Variants in SRI observed in about 807,000 individuals in gnomAD.
The protein encoded by SRI is sorcin, also known as 22 kDa protein.
In SRI, 30 loss-of-function variants were observed where a neutral mutation model predicts 33.3. The ratio of observed to expected loss-of-function variants is 0.90; its 90% CI spans 0.67 to 1.22. The LOEUF (loss-of-function observed/expected upper bound fraction) is 1.22, where lower values mean the gene tolerates loss of function less well. Ranked by LOEUF, SRI falls within the 50% of genes most tolerant of loss-of-function variation. The pLI is 0.00. For synonymous variants in SRI, 75 were observed against 89.9 expected (o/e 0.83, Z 0.94); for missense variants, 243 against 250.8 (o/e 0.97, Z 0.21).
At chr7:88,223,421 G>T (rs1346887238), upstream of SRI, among the ~76,000 whole-genome samples, 3 of 152,126 alleles carry the variant, frequency 2.0e-5, no homozygotes, top group Admixed American at 6.5e-5. Context: ...ACACCCAGGG[G>T]CAGGTAAAGG....
At chr7:88,217,514 A>G (rs1471210827) in intron 2 of SRI, among the ~76,000 whole-genome samples, 1 of 152,186 alleles carries the variant, frequency 6.6e-6, no homozygotes, top group African/African-American at 2.4e-5. Context: ...TACAAAGCAG[A>G]CATCAATAAA....
chr7:88,214,954 A>G (rs1439274518), intron 3 of SRI: 1 of 596,404 alleles, frequency 1.7e-6, no homozygotes, highest in African/African-American at 1.9e-5. Flanking sequence ...CAGGGAAAAA[A>G]GAGAAGCTGA....
At chr7:88,214,993 T>C in intron 3 of SRI, 1 of 475,438 alleles carries the variant, frequency 2.1e-6, no homozygotes, top group South Asian at 1.5e-5. Flanking sequence ...GGAACACAAC[T>C]TCTCTCACCA....
intron 3 of SRI, among the ~76,000 whole-genome samples, chr7:88,213,728 G>A (rs536680336): frequency 2.0e-5 from 3 of 152,270 alleles, no homozygotes; most frequent in South Asian, 2.1e-4. Context: ...TCACCCCCAC[G>A]CAGGAAGCTG....
At chr7:88,216,876 G>A (rs1851732273) in intron 3 of SRI, 1 of 534,584 alleles carries the variant, frequency 1.9e-6, no homozygotes, top group Non-Finnish European at 3.3e-6. Flanking sequence ...TTGGCTTCAA[G>A]CGATCCTCCT....
In SRI at chr7:88,210,355, A is replaced by G. The variant is rs1380904423; in HGVS notation, c.250-225T>C. On this transcript the variant is annotated intron_variant, in intron 4 of 7. Transcript: ENST00000265729. ...AAAAGATAACTTACATGACTTGATT[A>G]TAAGGAAATAGCGTTGCCATTGTGA... The G allele has an allele frequency of 5.2e-6, 3 of 571,506 alleles. No homozygotes were observed. The African/African-American group carries it at 5.6e-5, about 11-fold the overall frequency. The allele number at this position is 571,506 out of a possible 1,614,324, so 35.4% of individuals were successfully genotyped here. A position where few individuals can be genotyped will look rare whatever the true frequency, so the allele number is the denominator to read the frequency against.
At chr7:88,218,790 G>C in intron 2 of SRI, 69 bp downstream of exon 2, 1 of 1,481,732 alleles carries the variant, frequency 6.7e-7, no homozygotes, top group Non-Finnish European at 9.4e-7. Flanking sequence ...GCTTTTCTGT[G>C]TCACTATATC....
chr7:88,222,308 T>C (rs1457461792), upstream of SRI, among the ~76,000 whole-genome samples: 1 of 147,934 alleles, frequency 6.8e-6, no homozygotes, highest in Non-Finnish European at 1.5e-5. Context: ...CCACCAACAG[T>C]GTAAAAGTGT....
chr7:88,214,507 T>C (rs1851659393), intron 3 of SRI, among the ~76,000 whole-genome samples: 1 of 152,140 alleles, frequency 6.6e-6, no homozygotes, highest in Non-Finnish European at 1.5e-5. Context: ...AAATACACCA[T>C]TCTAGACAGT....
At chr7:88,211,009 T>C (rs546623897) in intron 3 of SRI, 84 bp from the exon 4 acceptor site, 1 of 1,048,278 alleles carries the variant, frequency 9.5e-7, no homozygotes, top group Non-Finnish European at 1.5e-6. Context: ...TAATTAGAAA[T>C]ATGATTATTA....
chr7:88,215,463 G>A (rs1851683615), intron 3 of SRI, among the ~76,000 whole-genome samples: 1 of 152,124 alleles, frequency 6.6e-6, no homozygotes, highest in Admixed American at 6.5e-5. Flanking sequence ...CCTGCTAATA[G>A]GCAGGCCTAC....
chr7:88,219,991 C>T lies in SRI; in HGVS notation c.36G>A (p.Gly12=), dbSNP rs779122159. ...AYPGHPGAGG[G]YYPGGYGGAP... is the part of the protein sequence containing the mutation. ...CAGCACTTACCCCGCCTGGGTAGTA[C>T]CCGCCGCCGGCGCCAGGATGCCCCG... The change falls in exon 1 of 8, where the codon GGG becomes GGA. Residue 12 remains glycine (G), a synonymous_variant. Transcript: ENST00000265729. 18 of 1,538,086 alleles carry T rather than the reference C, an allele frequency of 1.2e-5. No homozygotes were observed. In the South Asian group the frequency reaches 2.0e-4, roughly 17 times the overall value.
chr7:88,216,124 C>T (rs1851706033), intron 3 of SRI, among the ~76,000 whole-genome samples: 1 of 151,970 alleles, frequency 6.6e-6, no homozygotes, highest in South Asian at 2.1e-4. Context: ...ACCACAGGTG[C>T]ATGCCACCAT....
At chr7:88,217,068 T>C in intron 3 of SRI, 54 bp downstream of exon 3, 1 of 1,512,506 alleles carries the variant, frequency 6.6e-7, no homozygotes, top group East Asian at 2.3e-5. Flanking sequence ...AAGTAACAGC[T>C]AAGATAGGAA....
chr7:88,225,867 A>G (rs1284188038), intron 1 of SRI, among the ~76,000 whole-genome samples: 2 of 152,208 alleles, frequency 1.3e-5, no homozygotes, highest in African/African-American at 4.8e-5. Context: ...AGTTCATTTT[A>G]GTGCAGATAA....
At chr7:88,214,714 TATTA>T (rs1170092891) in intron 3 of SRI, 11 of 389,096 alleles carry the variant, frequency 2.8e-5, no homozygotes, top group African/African-American at 1.8e-4. Context: ...TAATTAAAAT[TATTA>T]ATTCAACATT....
intron 1 of SRI, among the ~76,000 whole-genome samples, 160 bp downstream of exon 1, chr7:88,219,816 G>C (rs568753673): frequency 6.6e-6 from 1 of 152,168 alleles, no homozygotes; most frequent in Non-Finnish European, 1.5e-5. Flanking sequence ...CGAACCCCAG[G>C]GGCCTAGGGC....
intron 3 of SRI, among the ~76,000 whole-genome samples, chr7:88,216,165 A>G (rs953831015): frequency 6.6e-6 from 1 of 152,122 alleles, no homozygotes; most frequent in East Asian, 1.9e-4. Flanking sequence ...TTTTGCAGAG[A>G]CAAGGTTTCA....
rs566848816 is a variant in SRI at position 88,206,787 on chromosome 7, C to T, written c.571-283G>A. Among the ~76,000 whole-genome samples, 6 of 151,802 alleles carry T rather than the reference C, an allele frequency of 4.0e-5. No individual in the cohort carries two copies. The South Asian group carries it at 1.3e-3, about 32-fold the overall frequency. On this transcript the variant is annotated intron_variant, in intron 7 of 7. Coordinates refer to ENST00000265729, the MANE Select transcript of SRI (RefSeq NM_003130.4). ...ATTATTTGAATAATTATTTAAATTC[C>T]AAATAATATCCAAGACTAGAAATGG...
Sources: allele counts gnomAD v4.1 joint callset (sites outside exome capture counted in the v4.1 genomes callset), GRCh38; gene constraint gnomAD v4.1.1; transcripts MANE v1.5; gene names NCBI Gene and HGNC (gene_info 2026-07-23, HGNC 2026-07-21).